The following CTNNA3 variants were observed in gnomAD, a reference collection of about 807,000 sequenced individuals.
The protein encoded by CTNNA3 is catenin alpha-3.
Under a neutral mutation model 95.7 loss-of-function variants are expected in CTNNA3, and 76 were observed. The observed-to-expected ratio is 0.79, with a 90% CI of 0.66 to 0.96. The LOEUF (loss-of-function observed/expected upper bound fraction) is 0.96, where lower values mean the gene tolerates loss of function less well. Among genes scored for constraint, CTNNA3 ranks in the 40% least tolerant of loss-of-function variants. CTNNA3 has a pLI of 0.00. For synonymous variants in CTNNA3, 431 were observed against 374.4 expected, an observed-to-expected ratio of 1.15 and a Z score of -1.74; for missense variants, 1,191 against 1,089.8, an observed-to-expected ratio of 1.09 and a Z score of -1.31.
chr10:67,681,505 CTT>C (rs1221537112), intron 1 of CTNNA3, among the ~76,000 whole-genome samples: 1 of 152,044 alleles, frequency 6.6e-6, no homozygotes, highest in Admixed American at 6.5e-5. Context: ...CCTGCTCACT[CTT>C]TTGCCCAAAT....
At chr10:66,547,383 C>T (rs1202669355) in intron 10 of CTNNA3, among the ~76,000 whole-genome samples, 1 of 91,580 alleles carries the variant, frequency 1.1e-5, no homozygotes, top group African/African-American at 4.5e-5. Context: ...TGCTCTGTTG[C>T]CCAGGCTGGA....
At chr10:66,730,059 T>C (rs527308907) in intron 9 of CTNNA3, among the ~76,000 whole-genome samples, 1 of 151,748 alleles carries the variant, frequency 6.6e-6, no homozygotes, top group Middle Eastern at 3.4e-3. Context: ...TAAGCCGAGA[T>C]TGTGCCACTG....
chr10:66,269,939 G>A (rs2091240766), intron 13 of CTNNA3, among the ~76,000 whole-genome samples: 1 of 152,084 alleles, frequency 6.6e-6, no homozygotes, highest in Non-Finnish European at 1.5e-5. Flanking sequence ...CATGTACTGT[G>A]CATTCATAAT....
intron 5 of CTNNA3, among the ~76,000 whole-genome samples, chr10:67,227,084 C>CTTTTTTTTTTTTTTTTTTTT (rs113895568): frequency 6.9e-6 from 1 of 144,464 alleles, no homozygotes; most frequent in Non-Finnish European, 1.5e-5. Context: ...GCAAAGGTAG[C>CTTTTTTTTTTTTTTTTTTTT]TTTTTTTTTC....
chr10:67,698,045 C>A (rs905416612), upstream of CTNNA3, among the ~76,000 whole-genome samples: 41 of 152,216 alleles, frequency 2.7e-4, no homozygotes, highest in African/African-American at 9.4e-4. Flanking sequence ...GTAAACTACA[C>A]AGCCCCTGCA....
At chr10:66,947,646 T>G (rs1848341459) in intron 7 of CTNNA3, among the ~76,000 whole-genome samples, 1 of 152,212 alleles carries the variant, frequency 6.6e-6, no homozygotes, top group Non-Finnish European at 1.5e-5. Flanking sequence ...TTTCCCTACC[T>G]TTCTCACCCT....
intron 13 of CTNNA3, among the ~76,000 whole-genome samples, chr10:66,147,281 T>G (rs1391406470): frequency 6.6e-6 from 1 of 152,158 alleles, no homozygotes; most frequent in Non-Finnish European, 1.5e-5. Context: ...ATGCCCAATA[T>G]TCTTCTTTTT....
intron 15 of CTNNA3, among the ~76,000 whole-genome samples, chr10:66,050,816 G>T (rs2079937993): frequency 6.6e-6 from 1 of 151,528 alleles, no homozygotes; most frequent in African/African-American, 2.4e-5. Flanking sequence ...TTAATCCACA[G>T]GACATAGGCT....
Position 65,969,219 on chromosome 10 carries a change from TGGGAAA to T in CTNNA3, c.2266-2479_2266-2474del, listed in dbSNP as rs145988281. ...GTCACACTCCCTAGGGAAAAATAGA[TGGGAAA>T]GGGAAAGGGAAAGAAAAAAAAATCA... On this transcript the variant is annotated intron_variant, in intron 16 of 17. Transcript: ENST00000433211. 2.7e-5 allele frequency among the ~76,000 whole-genome samples: 4 copies of T among 146,970 alleles called. 1 individual carries two copies. Among genetic ancestry groups the T allele is most frequent in the African/African-American group, 5.1e-5 (2 of 39,346 alleles).
intron 13 of CTNNA3, among the ~76,000 whole-genome samples, chr10:66,157,497 A>AGAT (rs2084593681): frequency 4.5e-5 from 1 of 22,292 alleles, no homozygotes; most frequent in African/African-American, 1.2e-4. Context: ...ATATGTAGAT[A>AGAT]GATAGATAGA....
intron 7 of CTNNA3, among the ~76,000 whole-genome samples, chr10:67,169,027 C>G (rs1002463621): frequency 1.3e-5 from 2 of 152,168 alleles, no homozygotes; most frequent in Non-Finnish European, 2.9e-5. Flanking sequence ...TAAAGGCAAT[C>G]TGATTCACAA....
At chr10:67,663,986 C>CT (rs1298074554) in intron 1 of CTNNA3, among the ~76,000 whole-genome samples, 4 of 152,098 alleles carry the variant, frequency 2.6e-5, no homozygotes, top group Non-Finnish European at 4.4e-5. Flanking sequence ...TACCCAACAA[C>CT]TTTTTTTACA....
chr10:66,387,275 G>A (rs2092900799), intron 11 of CTNNA3, among the ~76,000 whole-genome samples: 1 of 152,060 alleles, frequency 6.6e-6, no homozygotes, highest in African/African-American at 2.4e-5. Flanking sequence ...CCATCAAAAA[G>A]TGGGCAAAGG....
At chr10:67,024,189 C>G (rs905875491) in intron 7 of CTNNA3, among the ~76,000 whole-genome samples, 2 of 152,156 alleles carry the variant, frequency 1.3e-5, no homozygotes, top group African/African-American at 4.8e-5. Context: ...CTCCTTGGCT[C>G]CTGGATCCTT....
At chr10:66,187,784 A>G (rs2086421048) in intron 13 of CTNNA3, among the ~76,000 whole-genome samples, 2 of 152,088 alleles carry the variant, frequency 1.3e-5, no homozygotes, top group South Asian at 4.1e-4. Flanking sequence ...ACAAAAACCA[A>G]TCATAGGAAA....
chr10:66,720,314 G>A (rs530728122), intron 9 of CTNNA3, among the ~76,000 whole-genome samples: 109 of 152,068 alleles, frequency 7.2e-4, no homozygotes, highest in Non-Finnish European at 6.6e-4. Context: ...CACTCTATTT[G>A]GTTGACTCCC....
chr10:67,038,141 G>T (rs1854179159), intron 7 of CTNNA3, among the ~76,000 whole-genome samples: 1 of 152,000 alleles, frequency 6.6e-6, no homozygotes, highest in South Asian at 2.1e-4. Context: ...GCATTTCAGA[G>T]CAAGTTATTA....
intron 13 of CTNNA3, among the ~76,000 whole-genome samples, chr10:66,262,350 A>T (rs2091031671): frequency 6.6e-6 from 1 of 152,036 alleles, no homozygotes; most frequent in South Asian, 2.1e-4. Context: ...CTAAACCTTC[A>T]AATAACTATT....
chr10:66,137,665 G>A (rs975756947), intron 13 of CTNNA3, among the ~76,000 whole-genome samples: 13 of 152,046 alleles, frequency 8.6e-5, no homozygotes, highest in African/African-American at 3.1e-4. Flanking sequence ...ATAAGTTTGT[G>A]GACTGGGTTT....
Sources: allele counts gnomAD v4.1 joint callset (sites outside exome capture counted in the v4.1 genomes callset), GRCh38; gene constraint gnomAD v4.1.1; transcripts MANE v1.5; gene names NCBI Gene and HGNC (gene_info 2026-07-23, HGNC 2026-07-21).